The following ALG9 variants were observed in gnomAD, a reference collection of about 807,000 sequenced individuals.
ALG9 encodes the protein alpha-1,2-mannosyltransferase ALG9.
A neutral mutation model predicts 81.8 loss-of-function variants in ALG9; 55 were observed. The ratio of observed to expected loss-of-function variants is 0.67; its 90% confidence interval spans 0.54 to 0.84. The LOEUF is 0.84. Among genes scored for constraint, ALG9 ranks in the 40% least tolerant of loss-of-function variants. The pLI, the probability that ALG9 is intolerant of heterozygous loss-of-function variation, is 0.00. For synonymous variants in ALG9, 278 were observed against 274.3 expected (o/e 1.01, Z -0.13); for missense variants, 629 against 745.0 (o/e 0.84, Z 1.81).
At chr11:111,827,659 G>A (rs1427422056) in intron 13 of ALG9, among the ~76,000 whole-genome samples, 3 of 151,758 alleles carry the variant, frequency 2.0e-5, no homozygotes, top group Admixed American at 1.3e-4. Flanking sequence ...ATGAGGTCAG[G>A]AGTTCGAGAC....
downstream of ALG9, among the ~76,000 whole-genome samples, chr11:111,779,931 A>G (rs1396360499): frequency 6.6e-6 from 1 of 152,218 alleles, no homozygotes; most frequent in Admixed American, 6.5e-5. Flanking sequence ...TTCCTACATT[A>G]TATTTCTCAC....
At chr11:111,813,729 G>A (rs1555094038) in intron 13 of ALG9, among the ~76,000 whole-genome samples, 1 of 152,018 alleles carries the variant, frequency 6.6e-6, no homozygotes, top group Non-Finnish European at 1.5e-5. Context: ...AACTGAAATG[G>A]CCACAACAAG....
chr11:111,820,696 C>T (rs1487746153), intron 13 of ALG9, among the ~76,000 whole-genome samples: 4 of 152,206 alleles, frequency 2.6e-5, no homozygotes, highest in Non-Finnish European at 5.9e-5. Context: ...ATAATCAAGT[C>T]CAGTTCTGCA....
At chr11:111,774,586 A>G in the ALG9 span, among the ~76,000 whole-genome samples, 3 of 152,352 alleles carry the variant, frequency 2.0e-5, no homozygotes, top group East Asian at 5.8e-4. Context: ...TTCAGTGTGC[A>G]GCATATCCAT....
At chr11:111,830,142 G>C (rs183159789) in intron 13 of ALG9, among the ~76,000 whole-genome samples, 2 of 152,300 alleles carry the variant, frequency 1.3e-5, no homozygotes, top group African/African-American at 4.8e-5. Context: ...CTAACTTCCA[G>C]TCAATGCTCT....
chr11:111,786,638 G>A, intron 14 of ALG9, 118 bp from the exon 15 acceptor site: 1 of 1,179,414 alleles, frequency 8.5e-7, no homozygotes, highest in Non-Finnish European at 1.2e-6. Flanking sequence ...TATTCAAGTG[G>A]CACAGAAAAG....
the ALG9 span, among the ~76,000 whole-genome samples, chr11:111,773,964 C>T: frequency 6.7e-6 from 1 of 149,676 alleles, no homozygotes; most frequent in Non-Finnish European, 1.5e-5. Context: ...GCCACATTGC[C>T]CAGGCTGGTC....
chr11:111,779,584 C>CA (rs1235608570), downstream of ALG9, among the ~76,000 whole-genome samples: 1 of 151,956 alleles, frequency 6.6e-6, no homozygotes, highest in Non-Finnish European at 1.5e-5. Context: ...CTCCTGGACT[C>CA]AAACGATCCT....
Position 111,806,486 on chromosome 11 carries a change from C to A in ALG9, c.1733+3157G>T, listed in dbSNP as rs116875967. On this transcript the variant is annotated intron_variant, in intron 14 of 14. Coordinates refer to ENST00000616540, the MANE Select transcript of ALG9 (RefSeq NM_024740.2). ...CCTTCCTCCTGAAAACATTTTCTTGCCTTAGCTTCGAGGGTACTCTCCTCT... is the reference window on the plus strand; with the variant it reads ...CCTTCCTCCTGAAAACATTTTCTTGACTTAGCTTCGAGGGTACTCTCCTCT... 3.9e-5 allele frequency among the ~76,000 whole-genome samples: 6 copies of A among 152,234 alleles called. No individual in the cohort carries two copies. The East Asian group carries it at 1.2e-3, about 29-fold the overall frequency.
At chr11:111,856,276 C>CAAAAAAAAAAAAA in intron 6 of ALG9, among the ~76,000 whole-genome samples, 1 of 38,578 alleles carries the variant, frequency 2.6e-5, no homozygotes, top group Non-Finnish European at 6.4e-5. Flanking sequence ...GACTCCATCT[C>CAAAAAAAAAAAAA]AAAAAAAAAA....
chr11:111,794,385 G>A (rs900370229), intron 14 of ALG9, among the ~76,000 whole-genome samples: 1 of 152,208 alleles, frequency 6.6e-6, no homozygotes, highest in African/African-American at 2.4e-5. Flanking sequence ...CTGGGTTCAA[G>A]TGATCCTCCC....
Position 111,838,405 on chromosome 11 carries a change from A to G in ALG9, c.1174-6T>C. On this transcript the variant is annotated splice_polypyrimidine_tract_variant and splice_region_variant and intron_variant, in intron 10 of 14. Coordinates refer to ENST00000616540, the MANE Select transcript of ALG9 (RefSeq NM_024740.2). ...TGGAAGTACAGAAAACTGTGCTGAT[A>G]AAAGAAAATATAATTTGTAGAATAT... The G allele has an allele frequency of 6.2e-7, 1 of 1,605,002 alleles. No individual in the cohort carries two copies.
At chr11:111,856,574 A>G (rs964975737) in intron 6 of ALG9, among the ~76,000 whole-genome samples, 1 of 151,740 alleles carries the variant, frequency 6.6e-6, no homozygotes, top group Non-Finnish European at 1.5e-5. Context: ...GGATTGAGCT[A>G]GCGGAGAAGA....
At chr11:111,837,938 C>T (rs563410382) in intron 11 of ALG9, among the ~76,000 whole-genome samples, 1 of 152,196 alleles carries the variant, frequency 6.6e-6, no homozygotes, top group African/African-American at 2.4e-5. Context: ...AGAATATAAT[C>T]ATGAAATGTT....
At chr11:111,794,978 G>C (rs1381438081) in intron 14 of ALG9, among the ~76,000 whole-genome samples, 1 of 152,184 alleles carries the variant, frequency 6.6e-6, no homozygotes, top group African/African-American at 2.4e-5. Context: ...AAATGTGACT[G>C]TTATTTAATA....
chr11:111,817,831 C>T (rs1392169968), intron 13 of ALG9, among the ~76,000 whole-genome samples: 3 of 148,928 alleles, frequency 2.0e-5, no homozygotes, highest in African/African-American at 7.5e-5. Flanking sequence ...GGCTGGAGTG[C>T]AGTGGTGCGG....
At position 111,844,610 on chromosome 11, in the gene ALG9, T is replaced by G; in HGVS notation, c.1009A>C (p.Arg337=). Residue 337 remains arginine (R), a synonymous_variant, in exon 9 of 15, where the codon AGA becomes CGA. Coordinates refer to ENST00000616540, the MANE Select transcript of ALG9 (RefSeq NM_024740.2). The part of the protein sequence containing the change: ...LTSLMEYLLQ[R]FHVQNLGHPY... ...CTCTTATGCCACTCACCATGAAATC[T>G]CTGCAGCAGGTATTCCATAAGAGAA... is the stretch of plus-strand genomic sequence containing the variant. 4.3e-6 allele frequency: 7 copies of G among 1,614,026 alleles called. No individual in the cohort carries two copies. The highest frequency in any genetic ancestry group is 5.9e-6 in the Non-Finnish European group (7 of 1,179,966).
intron 13 of ALG9, among the ~76,000 whole-genome samples, chr11:111,823,979 A>C (rs575256370): frequency 1.3e-5 from 2 of 152,344 alleles, no homozygotes; most frequent in Admixed American, 1.3e-4. Flanking sequence ...GTGAACACCC[A>C]GGATGGTGGT....
chr11:111,852,897 G>A lies in ALG9; in HGVS notation c.895+483C>T, dbSNP rs376657396. On this transcript the variant is annotated intron_variant, in intron 8 of 14. Coordinates refer to ENST00000616540, the MANE Select transcript of ALG9 (RefSeq NM_024740.2). ...GTGGAGGTTGCAGGGAGCCAAGATC[G>A]CGCCACTGCACTCCAGCCTGGGCAA... Among the ~76,000 whole-genome samples the A allele has an allele frequency of 7.1e-4, 105 of 148,606 alleles. 2 individuals carry two copies. In the South Asian group the frequency reaches 0.02, roughly 28 times the overall value.
Sources: allele counts gnomAD v4.1 joint callset (sites outside exome capture counted in the v4.1 genomes callset), GRCh38; gene constraint gnomAD v4.1.1; transcripts MANE v1.5; gene names NCBI Gene and HGNC (gene_info 2026-07-23, HGNC 2026-07-21).